PROM1: variants seen among roughly 807,000 people sequenced by gnomAD.
PROM1 encodes prominin-1.
PROM1 carries 105 observed loss-of-function variants against 116.9 expected under a neutral mutation model. That is an observed-to-expected ratio of 0.90 (90% confidence interval 0.77 to 1.06). PROM1 has a LOEUF of 1.06. PROM1 is among the 50% of genes least tolerant of loss of function. The pLI is 0.00. For missense variants in PROM1, 1,122 were observed against 1,045.2 expected (o/e 1.07, Z -1.01); for synonymous variants, 393 against 387.0 (o/e 1.02, Z -0.18).
chr4:16,005,849 G>A (rs1344249044), intron 13 of PROM1, among the ~76,000 whole-genome samples: 2 of 152,204 alleles, frequency 1.3e-5, no homozygotes, highest in Non-Finnish European at 2.9e-5. Context: ...CCACATCCTA[G>A]CTTACATTTC....
chr4:16,034,911 T>G (rs1733630332), intron 4 of PROM1, among the ~76,000 whole-genome samples: 1 of 152,178 alleles, frequency 6.6e-6, no homozygotes, highest in Non-Finnish European at 1.5e-5. Context: ...AATAACTAAA[T>G]GACTGAATGT....
intron 13 of PROM1, among the ~76,000 whole-genome samples, chr4:16,003,819 C>T (rs1264726089): frequency 6.6e-6 from 1 of 152,158 alleles, no homozygotes; most frequent in Admixed American, 6.5e-5. Flanking sequence ...CTTCTGGGAC[C>T]ATCTGAAGAT....
Position 16,024,330 on chromosome 4 carries a change from T to C in PROM1, c.659A>G (p.Asn220Ser). The change falls in exon 7 of 28, where the codon AAC (asparagine) becomes AGC (serine). Residue 220 changes from asparagine to serine, a missense_variant. Transcript: ENST00000447510. ...EQIKYILAQY[N>S]TTKDKAFTDL... ...TGTGAACGCCTTGTCCTTGGTAGTGTTGTACTGGGCCAATATATATTTGAT... is the reference window on the plus strand; with the variant it reads ...TGTGAACGCCTTGTCCTTGGTAGTGCTGTACTGGGCCAATATATATTTGAT... 1 of 1,613,622 alleles carries C rather than the reference T, an allele frequency of 6.2e-7. No homozygotes were observed. Among genetic ancestry groups the C allele is most frequent in the African/African-American group, 1.3e-5 (1 of 75,032 alleles).
chr4:16,081,111 T>A (rs1283295346), intron 1 of PROM1, among the ~76,000 whole-genome samples: 1 of 151,922 alleles, frequency 6.6e-6, no homozygotes, highest in East Asian at 1.9e-4. Flanking sequence ...ATGTGCACAA[T>A]GTGCATGTTT....
At chr4:15,988,656 C>T (rs1050820813) in intron 19 of PROM1, among the ~76,000 whole-genome samples, 1 of 152,096 alleles carries the variant, frequency 6.6e-6, no homozygotes, top group African/African-American at 2.4e-5. Flanking sequence ...GGACAGGTTG[C>T]CCTAGCTCTG....
chr4:15,971,463 G>C (rs1389229261), intron 26 of PROM1: 2 of 170,506 alleles, frequency 1.2e-5, no homozygotes, highest in African/African-American at 4.7e-5. Context: ...ACAGAAGACA[G>C]AAGCAAATGG....
At position 15,981,105 on chromosome 4, in the gene PROM1, G is replaced by A. The variant is rs560147422; in HGVS notation, c.2374-568C>T. Among the ~76,000 whole-genome samples the A allele has an allele frequency of 4.0e-3, 613 of 151,446 alleles. 1 individual carries two copies. The highest frequency in any genetic ancestry group is 0.014 in the African/African-American group (565 of 41,494). ...GCCTCCTGAGTAGCTGGGGCTACAGGCGTCCGCCACCACGCCTGGCTGATT... is the reference window on the plus strand; with the variant it reads ...GCCTCCTGAGTAGCTGGGGCTACAGACGTCCGCCACCACGCCTGGCTGATT... On this transcript the variant is annotated intron_variant, in intron 23 of 27. Coordinates refer to ENST00000447510, the MANE Select transcript of PROM1 (RefSeq NM_006017.3).
At chr4:16,037,171 CT>C (rs1446271268) in intron 3 of PROM1, among the ~76,000 whole-genome samples, 1 of 152,174 alleles carries the variant, frequency 6.6e-6, no homozygotes, top group African/African-American at 2.4e-5. Flanking sequence ...AGCACTGCCC[CT>C]ACTCTCATTC....
At chr4:15,982,504 C>T (rs1371136071) in intron 23 of PROM1, among the ~76,000 whole-genome samples, 2 of 152,180 alleles carry the variant, frequency 1.3e-5, no homozygotes, top group African/African-American at 4.8e-5. Flanking sequence ...TGTTAGCTAG[C>T]CCACAGTCTA....
At chr4:15,989,859 T>C (rs1254610751) in intron 18 of PROM1, 35 bp from the exon 19 acceptor site, 2 of 1,508,302 alleles carry the variant, frequency 1.3e-6, no homozygotes, top group African/African-American at 1.4e-5. Flanking sequence ...ATCAATACCA[T>C]CTTTCCAGAC....
chr4:16,071,518 TAATTAGGTTTA>T (rs1466793575), intron 2 of PROM1, among the ~76,000 whole-genome samples: 1 of 152,164 alleles, frequency 6.6e-6, no homozygotes, highest in Non-Finnish European at 1.5e-5. Context: ...CTGGGAGAGG[TAATTAGGTTTA>T]AATTAGGTCA....
chr4:16,005,224 A>G (rs1725111199), intron 13 of PROM1, among the ~76,000 whole-genome samples: 1 of 151,940 alleles, frequency 6.6e-6, no homozygotes, highest in Admixed American at 6.6e-5. Flanking sequence ...CGGCCTCCCA[A>G]AGTGTTGGGA....
At chr4:16,067,750 C>T (rs1026546664) in intron 2 of PROM1, among the ~76,000 whole-genome samples, 8 of 152,132 alleles carry the variant, frequency 5.3e-5, no homozygotes, top group Non-Finnish European at 7.4e-5. Flanking sequence ...ATAGACACGT[C>T]GATTTGGCTA....
chr4:16,054,684 A>T (rs1015577754), intron 2 of PROM1, among the ~76,000 whole-genome samples: 1 of 152,214 alleles, frequency 6.6e-6, no homozygotes, highest in Non-Finnish European at 1.5e-5. Context: ...ATACATATTG[A>T]GCAATTAATA....
Position 16,055,589 on chromosome 4 carries a change from C to T in PROM1, c.221-16588G>A, listed in dbSNP as rs1375985660. On this transcript the variant is annotated intron_variant, in intron 2 of 27. Coordinates refer to ENST00000447510, the MANE Select transcript of PROM1 (RefSeq NM_006017.3). ...GAAAGGGTTTTCGTCTGAAGAGAGG[C>T]TGTCACGGAATCAATAATAAAAAGA... The T allele has an allele frequency of 2.4e-5, 8 of 327,286 alleles. No individual in the cohort carries two copies. In the East Asian group the frequency reaches 5.3e-4, roughly 22 times the overall value. The allele number at this position is 327,286 out of a possible 1,614,324, so 20.3% of individuals were successfully genotyped here.
At chr4:16,001,217 C>T (rs906608953) in intron 13 of PROM1, among the ~76,000 whole-genome samples, 33 of 152,110 alleles carry the variant, frequency 2.2e-4, no homozygotes, top group African/African-American at 7.5e-4. Flanking sequence ...GCGCTGAACA[C>T]GAGAGGTAGA....
chr4:16,078,516 G>GGC (rs1744415007), intron 1 of PROM1, among the ~76,000 whole-genome samples: 1 of 152,220 alleles, frequency 6.6e-6, no homozygotes, highest in Non-Finnish European at 1.5e-5. Flanking sequence ...GGTTTCATGA[G>GGC]ACTAGGCAAA....
At chr4:16,018,579 G>A (rs780728307) in intron 8 of PROM1, 39 bp from the exon 9 acceptor site, 80 of 1,543,484 alleles carry the variant, frequency 5.2e-5, no homozygotes, top group Non-Finnish European at 6.6e-5. Context: ...CACATGCCAA[G>A]TCCCTCCTCA....
Position 16,033,514 on chromosome 4 carries a change from A to C in PROM1, c.304-5T>G, listed in dbSNP as rs1235536802. Reference sequence around the variant, plus strand: ...CCCTGCTTCATAGTAGACAATCTGCAATTCAAACAAAAGAAACAGCACATA... The same window carrying C: ...CCCTGCTTCATAGTAGACAATCTGCCATTCAAACAAAAGAAACAGCACATA... On this transcript the variant is annotated splice_region_variant and splice_polypyrimidine_tract_variant and intron_variant, in intron 4 of 27. Transcript: ENST00000447510. The C allele has an allele frequency of 6.3e-7, 1 of 1,583,792 alleles. No homozygotes were observed. Among genetic ancestry groups the C allele is most frequent in the African/African-American group, 1.4e-5 (1 of 73,982 alleles).
Sources: gnomAD v4.1 joint callset for allele counts (sites outside exome capture counted in the v4.1 genomes callset) on GRCh38, gnomAD v4.1.1 for gene constraint, MANE v1.5 for transcripts, NCBI Gene and HGNC (gene_info 2026-07-23, HGNC 2026-07-21) for gene names.